The following ALPK2 variants were observed in gnomAD, a reference collection of about 807,000 sequenced individuals.
The protein encoded by ALPK2 is alpha-protein kinase 2.
A neutral mutation model predicts 163.1 loss-of-function variants in ALPK2; 127 were observed. The observed-to-expected ratio is 0.78, with a 90% CI of 0.67 to 0.90. The LOEUF (loss-of-function observed/expected upper bound fraction) is 0.90. Ranked by LOEUF, ALPK2 falls within the 40% of genes least tolerant of loss-of-function variation. The probability of loss-of-function intolerance (pLI) is 0.00; values close to 1 mark genes in which losing one functional copy is unlikely to be tolerated. For missense variants in ALPK2, 2,360 were observed against 2,589.6 expected, an observed-to-expected ratio of 0.91 and a Z score of 1.92; for synonymous variants, 953 against 959.1, an observed-to-expected ratio of 0.99 and a Z score of 0.12.
intron 8 of ALPK2, among the ~76,000 whole-genome samples, chr18:58,522,738 G>A (rs576443557): frequency 9.2e-5 from 14 of 152,064 alleles, no homozygotes; most frequent in Non-Finnish European, 2.1e-4. Context: ...ATGCAAGACC[G>A]ATGCTTAAAG....
intron 10 of ALPK2, among the ~76,000 whole-genome samples, chr18:58,507,981 T>G (rs1391289473): frequency 1.3e-5 from 2 of 152,170 alleles, no homozygotes. Flanking sequence ...CTTGCTCCCA[T>G]AGATAACATT....
intron 4 of ALPK2, among the ~76,000 whole-genome samples, chr18:58,573,076 A>G (rs978947588): frequency 3.3e-5 from 5 of 152,070 alleles, no homozygotes; most frequent in Non-Finnish European, 7.4e-5. Context: ...CCGTTTGTAA[A>G]TGGTATCTAG....
chr18:58,508,749 A>G (rs905999255), intron 10 of ALPK2, among the ~76,000 whole-genome samples: 1 of 152,102 alleles, frequency 6.6e-6, no homozygotes, highest in Admixed American at 6.5e-5. Flanking sequence ...TTATTCTTCT[A>G]CTTTCTTAAT....
rs192480734 is a variant in ALPK2 at position 58,488,089 on chromosome 18, A to G, written c.6297-6050T>C. Among the ~76,000 whole-genome samples the G allele has an allele frequency of 2.2e-3, 224 of 100,298 alleles. 2 individuals carry two copies. Among genetic ancestry groups the G allele is most frequent in the Admixed American group, 0.018 (194 of 10,584 alleles). The allele number at this position is 100,298 out of a possible 152,430, so 65.8% of individuals were successfully genotyped here. On this transcript the variant is annotated intron_variant, in intron 12 of 12. Coordinates refer to ENST00000361673, the MANE Select transcript of ALPK2 (RefSeq NM_052947.4). The stretch of plus-strand genomic sequence containing the variant: ...ACCCCCTCTCCTTTGAGCAACAAGG[A>G]GATAAACTACTCAAAAGTGGTGATC...
At chr18:58,534,775 C>T in intron 5 of ALPK2, 59 bp downstream of exon 5, 1 of 1,534,486 alleles carries the variant, frequency 6.5e-7, no homozygotes, top group East Asian at 2.2e-5. Flanking sequence ...GACACAGGAA[C>T]TGGATACCTG....
At chr18:58,496,007 C>T (rs2051399226) in intron 12 of ALPK2, among the ~76,000 whole-genome samples, 1 of 152,088 alleles carries the variant, frequency 6.6e-6, no homozygotes, top group African/African-American at 2.4e-5. Flanking sequence ...CTTCTGGGGT[C>T]CAGAAGCCTC....
At chr18:58,607,895 A>G (rs182607233) in intron 2 of ALPK2, among the ~76,000 whole-genome samples, 34 of 152,214 alleles carry the variant, frequency 2.2e-4, no homozygotes, top group Admixed American at 2.2e-3. Context: ...TATCCAATAG[A>G]AATGCAAATA....
chr18:58,518,471 A>G (rs2051533816), intron 8 of ALPK2, among the ~76,000 whole-genome samples: 1 of 152,222 alleles, frequency 6.6e-6, no homozygotes, highest in Admixed American at 6.5e-5. Flanking sequence ...AAAGGCTAGC[A>G]GAAGACTATG....
intron 3 of ALPK2, among the ~76,000 whole-genome samples, chr18:58,601,847 C>T (rs1039815040): frequency 1.3e-5 from 2 of 152,200 alleles, no homozygotes; most frequent in Non-Finnish European, 1.5e-5. Context: ...CGAGAGCACA[C>T]CAGTTTTGTG....
chr18:58,549,086 G>T (rs1178263402), intron 4 of ALPK2, among the ~76,000 whole-genome samples: 2 of 152,250 alleles, frequency 1.3e-5, no homozygotes, highest in South Asian at 2.1e-4. Context: ...GTCTTTTTTA[G>T]ATCTAAACCG....
chr18:58,535,072 C>T lies in ALPK2; in HGVS notation c.5115G>A (p.Val1705=). The change falls in exon 5 of 13, where the codon GTG becomes GTA. Residue 1705 remains valine, a synonymous_variant. Coordinates refer to ENST00000361673, the MANE Select transcript of ALPK2 (RefSeq NM_052947.4). ...TCCTCTTGACCTCCTCTGACCCCGTCACTGCTGTGAGGGTCCCTGGCGATT... is the reference window on the plus strand; with the variant it reads ...TCCTCTTGACCTCCTCTGACCCCGTTACTGCTGTGAGGGTCCCTGGCGATT... ...AGKSPGTLTA[V]TGSEEVKRKP... 6.2e-7 allele frequency: 1 copy of T among 1,614,140 alleles called. No homozygotes were observed. Among genetic ancestry groups the T allele is most frequent in the Non-Finnish European group, 8.5e-7 (1 of 1,180,030 alleles).
chr18:58,486,926 G>A (rs1008595460), intron 12 of ALPK2, among the ~76,000 whole-genome samples: 1 of 152,206 alleles, frequency 6.6e-6, no homozygotes, highest in African/African-American at 2.4e-5. Context: ...CCAAGCAATG[G>A]GAAGTGCAGG....
At chr18:58,611,994 G>A (rs1323808692) in intron 1 of ALPK2, among the ~76,000 whole-genome samples, 177 bp from the exon 2 acceptor site, 1 of 152,158 alleles carries the variant, frequency 6.6e-6, no homozygotes, top group Admixed American at 6.5e-5. Context: ...AGGTGGGCTG[G>A]ATCCTTCTGT....
intron 3 of ALPK2, among the ~76,000 whole-genome samples, chr18:58,592,960 C>T (rs1313782733): frequency 2.0e-5 from 3 of 152,168 alleles, no homozygotes; most frequent in South Asian, 4.1e-4. Flanking sequence ...AGTTCTCAGC[C>T]CTGGCTGAAC....
chr18:58,594,005 G>T (rs1164034886), intron 3 of ALPK2, among the ~76,000 whole-genome samples: 1 of 144,968 alleles, frequency 6.9e-6, no homozygotes, highest in East Asian at 2.0e-4. Context: ...TTCACCATCA[G>T]TTTTTTTTTT....
intron 3 of ALPK2, among the ~76,000 whole-genome samples, chr18:58,583,724 C>A (rs1206612514): frequency 4.7e-5 from 6 of 127,104 alleles, no homozygotes; most frequent in Admixed American, 3.5e-4. Flanking sequence ...GATGGCAGAG[C>A]AAGACTTTGT....
At chr18:58,595,478 G>A (rs919038898) in intron 3 of ALPK2, among the ~76,000 whole-genome samples, 4 of 152,166 alleles carry the variant, frequency 2.6e-5, no homozygotes, top group Non-Finnish European at 5.9e-5. Context: ...GATGGCACTG[G>A]TAGGATGAGA....
rs1457163574 is a variant in ALPK2 at position 58,537,181 on chromosome 18, G to T, written c.3006C>A (p.Thr1002=). 1 of 1,613,160 alleles carries T rather than the reference G, an allele frequency of 6.2e-7. No individual in the cohort carries two copies. Among genetic ancestry groups the T allele is most frequent in the Non-Finnish European group, 8.5e-7 (1 of 1,179,720 alleles). ...LTANNECFQA[T]RETEDTSTVT... ...CAGTTGATGTGTCCTCAGTCTCCCT[G>T]GTCGCTTGAAAGCACTCATTATTAG... Residue 1002 remains threonine, a synonymous_variant, in exon 5 of 13, where the codon ACC becomes ACA. Coordinates refer to ENST00000361673, the MANE Select transcript of ALPK2 (RefSeq NM_052947.4).
chr18:58,586,353 G>A (rs979090625), intron 3 of ALPK2, among the ~76,000 whole-genome samples: 5 of 152,188 alleles, frequency 3.3e-5, no homozygotes, highest in African/African-American at 1.2e-4. Flanking sequence ...TCTCACCTCT[G>A]TAAATGCAAC....
Sources: allele counts gnomAD v4.1 joint callset (sites outside exome capture counted in the v4.1 genomes callset), GRCh38; gene constraint gnomAD v4.1.1; transcripts MANE v1.5; gene names NCBI Gene and HGNC (gene_info 2026-07-23, HGNC 2026-07-21).